Variants in ANKRD31 observed in about 807,000 individuals in gnomAD.
ANKRD31 encodes the protein ankyrin repeat domain-containing protein 31.
ANKRD31 carries 147 observed loss-of-function variants against 186.0 expected under a neutral mutation model. The observed-to-expected ratio is 0.79, with a 90% confidence interval of 0.69 to 0.91. The LOEUF (loss-of-function observed/expected upper bound fraction) is 0.91. Among genes scored for constraint, ANKRD31 ranks in the 40% least tolerant of loss-of-function variants. The pLI, the probability that ANKRD31 is intolerant of heterozygous loss-of-function variation, is 0.00. For synonymous variants in ANKRD31, 673 were observed against 736.4 expected, an observed-to-expected ratio of 0.91 and a Z score of 1.39; for missense variants, 1,986 against 2,148.8, an observed-to-expected ratio of 0.92 and a Z score of 1.50.
Position 75,068,524 on chromosome 5 carries a change from G to A in ANKRD31, c.5788C>T (p.Pro1930Ser). 1 of 1,501,932 alleles carries A rather than the reference G, an allele frequency of 6.7e-7. No homozygotes were observed. Among genetic ancestry groups the A allele is most frequent in the South Asian group, 1.3e-5 (1 of 74,934 alleles). 93.0% of individuals were successfully genotyped at this position (1,501,932 alleles called of 1,614,324 possible). The change falls in exon 26 of 26, where the codon CCC (proline) becomes TCC (serine). Residue 1930 changes from proline (P) to serine (S), a missense_variant. Transcript: ENST00000506364. ...AATATTAAGAAACCAAGGTTTTAGG[G>A]TGTTAGTTCCTCACATTCCACACAA... ...KFCVECEELT[P>S]
In ANKRD31 at chr5:75,154,270, C is replaced by T; in HGVS notation, c.1783G>A (p.Ala595Thr). 4 of 1,535,584 alleles carry T rather than the reference C, an allele frequency of 2.6e-6. No homozygotes were observed. The highest frequency in any genetic ancestry group is 3.5e-6 in the Non-Finnish European group (4 of 1,146,022). The stretch of plus-strand genomic sequence containing the variant: ...AGACGCTTCATACATAAATCCTTGG[C>T]CTCATCCAAAGCACATTTTCCATCA... ...NDDGKCALDE[A>T]KDLCMKRLLE... is the part of the protein sequence containing the mutation. Residue 595 changes from alanine to threonine, a missense_variant, in exon 12 of 26, where the codon GCC (alanine) becomes ACC (threonine). Physicochemically the swap from Ala to Thr is moderately conservative, Grantham distance 58. Transcript: ENST00000506364.
intron 1 of ANKRD31, among the ~76,000 whole-genome samples, chr5:75,235,361 G>T (rs1251989103): frequency 1.3e-5 from 2 of 149,270 alleles, no homozygotes; most frequent in African/African-American, 4.9e-5. Context: ...CAAAAACTCC[G>T]AATGAATATT....
intron 22 of ANKRD31, among the ~76,000 whole-genome samples, chr5:75,099,191 TG>T (rs2150046272): frequency 6.6e-6 from 1 of 152,324 alleles, no homozygotes; most frequent in Admixed American, 6.5e-5. Flanking sequence ...GAGATAATCA[TG>T]GGGTTTTTGT....
rs1051292964 is a variant in ANKRD31 at position 75,182,591 on chromosome 5, C to T, written c.1564+5902G>A. On this transcript the variant is annotated intron_variant, in intron 10 of 25. Transcript: ENST00000506364. ...AAAATTAGCCAGGCGTGGTGGCAAG[C>T]GCCTGTAATCCCAGCTATTCGGGAG... Among the ~76,000 whole-genome samples the T allele has an allele frequency of 8.0e-4, 122 of 151,852 alleles. 1 individual carries two copies. Among genetic ancestry groups the T allele is most frequent in the African/African-American group, 2.7e-3 (113 of 41,426 alleles).
At chr5:75,215,194 G>C (rs527526163) in intron 3 of ANKRD31, among the ~76,000 whole-genome samples, 17 of 152,108 alleles carry the variant, frequency 1.1e-4, no homozygotes, top group South Asian at 2.1e-4. Flanking sequence ...TCTCTCTTGC[G>C]GGGAGAGGCA....
At chr5:75,204,416 T>G (rs1029607951) in intron 5 of ANKRD31, among the ~76,000 whole-genome samples, 3 of 152,234 alleles carry the variant, frequency 2.0e-5, no homozygotes, top group African/African-American at 4.8e-5. Flanking sequence ...TACCTTAAAC[T>G]TCACAAAGGT....
chr5:75,231,883 G>A (rs1757970847), intron 1 of ANKRD31, among the ~76,000 whole-genome samples: 1 of 148,056 alleles, frequency 6.8e-6, no homozygotes, highest in Non-Finnish European at 1.5e-5. Flanking sequence ...CAGCCTAAGT[G>A]ACAAAGTGAG....
intron 11 of ANKRD31, among the ~76,000 whole-genome samples, chr5:75,159,615 G>A (rs1047262124): frequency 1.3e-5 from 2 of 150,532 alleles, no homozygotes; most frequent in Admixed American, 1.3e-4. Context: ...TGCCAAGCAA[G>A]AATCTTATAT....
Position 75,107,420 on chromosome 5 carries a change from C to A in ANKRD31, c.4340+101G>T, listed in dbSNP as rs1413072908. The stretch of plus-strand genomic sequence containing the variant: ...CATAAAGTCATTATTTGGCCCCAAG[C>A]AGTGTTTGTATTCTTAAGAAATTCT... On this transcript the variant is annotated intron_variant, in intron 21 of 25. Coordinates refer to ENST00000506364, the MANE Select transcript of ANKRD31 (RefSeq NM_001372053.1). 39 of 742,614 alleles carry A rather than the reference C, an allele frequency of 5.3e-5. No homozygotes were observed. The East Asian group carries it at 7.1e-4, about 13-fold the overall frequency. 46.0% of individuals were successfully genotyped at this position (742,614 alleles called of 1,614,324 possible). A position where few individuals can be genotyped will look rare whatever the true frequency, so the allele number is the denominator to read the frequency against.
intron 23 of ANKRD31, among the ~76,000 whole-genome samples, chr5:75,087,442 C>T (rs979961567): frequency 1.4e-4 from 22 of 151,788 alleles, no homozygotes; most frequent in African/African-American, 4.8e-4. Context: ...ATGAGGCAGA[C>T]GCTGCAGCGA....
chr5:75,085,632 C>T (rs949898044), intron 23 of ANKRD31, among the ~76,000 whole-genome samples: 1 of 152,110 alleles, frequency 6.6e-6, no homozygotes, highest in African/African-American at 2.4e-5. Context: ...GAACTCCTGA[C>T]CTCAAATGAT....
chr5:75,072,462 C>A (rs1249071273), intron 25 of ANKRD31, among the ~76,000 whole-genome samples: 1 of 152,038 alleles, frequency 6.6e-6, no homozygotes, highest in Admixed American at 6.5e-5. Context: ...AGATGTAAAC[C>A]AGTACAAAGG....
chr5:75,200,297 C>CTTTTTTT (rs373390533), intron 5 of ANKRD31, among the ~76,000 whole-genome samples: 2 of 144,092 alleles, frequency 1.4e-5, no homozygotes. Flanking sequence ...TTCTTTCTTT[C>CTTTTTTT]TTTTTTTTTT....
intron 22 of ANKRD31, among the ~76,000 whole-genome samples, chr5:75,103,507 C>A (rs1461052530): frequency 2.0e-5 from 3 of 152,044 alleles, no homozygotes; most frequent in Non-Finnish European, 4.4e-5. Context: ...GGGCATATAC[C>A]CAAAGGAATA....
intron 1 of ANKRD31, among the ~76,000 whole-genome samples, chr5:75,233,115 T>C (rs1758053075): frequency 6.6e-6 from 1 of 151,620 alleles, no homozygotes; most frequent in African/African-American, 2.4e-5. Flanking sequence ...CAGGCTGGAG[T>C]GCAGTGATAT....
chr5:75,168,916 C>A (rs1399397803), intron 11 of ANKRD31, 63 bp downstream of exon 11: 1 of 1,405,762 alleles, frequency 7.1e-7, no homozygotes, highest in African/African-American at 1.4e-5. Flanking sequence ...ATTGTGTGGT[C>A]CCAGAGATAT....
chr5:75,166,115 T>C (rs1353150963), intron 11 of ANKRD31, among the ~76,000 whole-genome samples: 1 of 152,190 alleles, frequency 6.6e-6, no homozygotes, highest in East Asian at 1.9e-4. Flanking sequence ...CAGTTCATGT[T>C]CTAGCCAAAC....
chr5:75,111,527 C>T (rs1336584091), intron 20 of ANKRD31, among the ~76,000 whole-genome samples: 1 of 152,022 alleles, frequency 6.6e-6, no homozygotes, highest in Non-Finnish European at 1.5e-5. Flanking sequence ...TTTTTAAAGA[C>T]TATACAAACA....
chr5:75,119,123 A>G (rs1580361426), intron 17 of ANKRD31, among the ~76,000 whole-genome samples: 1 of 152,330 alleles, frequency 6.6e-6, no homozygotes, highest in East Asian at 1.9e-4. Flanking sequence ...TTTTAGATTC[A>G]AATGATATAT....
Sources: gnomAD v4.1 joint callset for allele counts (sites outside exome capture counted in the v4.1 genomes callset) on GRCh38, gnomAD v4.1.1 for gene constraint, MANE v1.5 for transcripts, NCBI Gene and HGNC (gene_info 2026-07-23, HGNC 2026-07-21) for gene names.